TNRC6C: variants seen among roughly 807,000 people sequenced by gnomAD.
TNRC6C encodes trinucleotide repeat containing adaptor 6C, also known as trinucleotide repeat-containing gene 6C protein.
In TNRC6C, 20 loss-of-function variants were observed where a neutral mutation model predicts 153.7. That is an observed-to-expected ratio of 0.13 (90% CI 0.09 to 0.19). The LOEUF (loss-of-function observed/expected upper bound fraction) is 0.19, where lower values mean the gene tolerates loss of function less well. Ranked by LOEUF, TNRC6C falls within the 10% of genes least tolerant of loss-of-function variation. The pLI is 1.00. For synonymous variants in TNRC6C, 811 were observed against 841.4 expected (o/e 0.96, Z 0.63); for missense variants, 1,987 against 2,172.0 (o/e 0.91, Z 1.69).
chr17:78,030,874 G>A (rs754493499), intron 1 of TNRC6C, among the ~76,000 whole-genome samples: 10 of 152,000 alleles, frequency 6.6e-5, no homozygotes, highest in Non-Finnish European at 1.3e-4. Context: ...TGAGGCGAGC[G>A]GATCACTTGA....
exon 3 of TNRC6C, chr17:78,051,448 G>A: frequency 2.9e-6 from 4 of 1,387,638 alleles, no homozygotes; most frequent in East Asian, 2.7e-5. Flanking sequence ...GCTTGGTCCA[G>A]GTAGGAAAGG....
Position 78,064,878 on chromosome 17 carries a change from C to T in TNRC6C, c.2552C>T (p.Pro851Leu), listed in dbSNP as rs1278157245. 9 of 1,612,108 alleles carry T rather than the reference C, an allele frequency of 5.6e-6. No individual in the cohort carries two copies. In the East Asian group the frequency reaches 1.3e-4, roughly 24 times the overall value. The change falls in exon 4 of 20, where the codon CCG becomes CTG. Residue 851 changes from proline (P) to leucine (L), a missense_variant. This residue lies in a region of TNRC6C where 765 missense variants were observed against 908.6 expected (regional missense o/e 0.84). Transcript: ENST00000301624. The stretch of plus-strand genomic sequence containing the variant: ...GGGTGGGGAGATCACCCTGCAGAGC[C>T]GCCGGTGGCATTTGGAAGAGCTGGC...
chr17:78,085,396 G>A (rs2073262126), intron 11 of TNRC6C, among the ~76,000 whole-genome samples: 2 of 152,120 alleles, frequency 1.3e-5, no homozygotes, highest in Admixed American at 1.3e-4. Flanking sequence ...GGCCTATAAG[G>A]ATTCACTTAA....
intron 1 of TNRC6C, among the ~76,000 whole-genome samples, chr17:77,997,871 G>T (rs1269265935): frequency 6.6e-6 from 1 of 151,890 alleles, no homozygotes; most frequent in Non-Finnish European, 1.5e-5. Context: ...AGCCAGGATG[G>T]TCTCGATGTC....
chr17:78,049,426 A>C lies in TNRC6C; in HGVS notation c.364A>C (p.Asn122His), dbSNP rs759133868. 6.2e-7 allele frequency: 1 copy of C among 1,614,020 alleles called. No individual in the cohort carries two copies. Among genetic ancestry groups the C allele is most frequent in the Admixed American group, 1.7e-5 (1 of 60,024 alleles). Residue 122 changes from asparagine (N) to histidine (H), a missense_variant, in exon 3 of 20, where the codon AAC becomes CAC. Asn to His is a moderately conservative substitution (Grantham distance 68). Around this residue, in one of 4 missense-constraint regions of TNRC6C, gnomAD observed 1,052 missense variants for 1,017.0 expected, o/e 1.03. Coordinates refer to ENST00000301624, the Ensembl canonical transcript of TNRC6C. The surrounding 1 kb of genome is among the most constrained non-coding windows in gnomAD (Gnocchi z 4.1). The stretch of plus-strand genomic sequence containing the variant: ...ACATGAAGGAACCGTGGCGACAGGC[A>C]ACCCTTCCAGTATTTGCAGTCCAGT...
intron 8 of TNRC6C, among the ~76,000 whole-genome samples, chr17:78,076,474 C>T (rs2144357234): frequency 6.6e-6 from 1 of 152,220 alleles, no homozygotes; most frequent in African/African-American, 2.4e-5. Context: ...GATAAAATTA[C>T]TGTTATCTGA....
intron 17 of TNRC6C, among the ~76,000 whole-genome samples, chr17:78,100,060 A>G (rs766448727): frequency 2.6e-5 from 4 of 152,214 alleles, no homozygotes; most frequent in Non-Finnish European, 5.9e-5. Context: ...ATGCTTAGGC[A>G]AGAGGTTGGT....
intron 1 of TNRC6C, among the ~76,000 whole-genome samples, chr17:77,964,271 C>CT (rs1191600645): frequency 1.3e-5 from 2 of 152,210 alleles, no homozygotes; most frequent in East Asian, 3.8e-4. Context: ...AATTAATACT[C>CT]TATTGTATCT....
chr17:78,026,082 G>T lies in TNRC6C; in HGVS notation c.-545-5434G>T, dbSNP rs185561991. ...TGAATCCAAGTTTTTGAGGTCTCTA[G>T]CCTTAGTATTTTTTTATTTCATCAA... On this transcript the variant is annotated intron_variant, in intron 1 of 19. Coordinates refer to ENST00000301624, the Ensembl canonical transcript of TNRC6C. Among the ~76,000 whole-genome samples, 138 of 140,152 alleles carry T rather than the reference G, an allele frequency of 9.8e-4. 1 individual carries two copies. Among genetic ancestry groups the T allele is most frequent in the African/African-American group, 4.5e-3 (135 of 30,322 alleles). The allele number at this position is 140,152 out of a possible 152,430, so 91.9% of individuals were successfully genotyped here. A position where few individuals can be genotyped will look rare whatever the true frequency, so the allele number is the denominator to read the frequency against.
intron 2 of TNRC6C, among the ~76,000 whole-genome samples, chr17:78,041,978 C>A (rs775613714): frequency 2.6e-5 from 4 of 152,146 alleles, no homozygotes; most frequent in Non-Finnish European, 4.4e-5. Flanking sequence ...AAATCTGATA[C>A]CTAATTAAAA....
In TNRC6C at chr17:78,075,252, G is replaced by A. The variant is rs752221819; in HGVS notation, c.3034G>A (p.Val1012Met). Residue 1012 changes from valine to methionine, a missense_variant, in exon 8 of 20, where the codon GTG becomes ATG. Physicochemically the swap from Val to Met is conservative, Grantham distance 21. Around this residue, in one of 4 missense-constraint regions of TNRC6C, gnomAD observed 765 missense variants for 908.6 expected, o/e 0.84. Coordinates refer to ENST00000301624, the Ensembl canonical transcript of TNRC6C. The surrounding 1 kb of genome is among the most constrained non-coding windows in gnomAD (Gnocchi z 4.2). ...CCCGCCAATCTCCAAAGAGTCTTCC[G>A]TGGACCGCCCCACCTTTCTTGACAA... 32 of 1,599,986 alleles carry A rather than the reference G, an allele frequency of 2.0e-5. No homozygotes were observed. The highest frequency in any genetic ancestry group is 4.5e-5 in the East Asian group (2 of 44,352).
exon 20 of TNRC6C, chr17:78,106,038 G>A (rs925227340): frequency 1.3e-5 from 2 of 148,184 alleles, no homozygotes; most frequent in African/African-American, 2.5e-5. Flanking sequence ...TTTCCATTTG[G>A]AATATAAAGT....
Position 78,049,163 on chromosome 17 carries a change from A to T in TNRC6C, c.101A>T (p.Gln34Leu). The T allele has an allele frequency of 6.2e-7, 1 of 1,612,678 alleles. No individual in the cohort carries two copies. The highest frequency in any genetic ancestry group is 8.5e-7 in the Non-Finnish European group (1 of 1,179,278). The change falls in exon 3 of 20, where the codon CAG becomes CTG. Residue 34 changes from glutamine (Q) to leucine (L), a missense_variant. Gln to Leu is a moderately radical substitution (Grantham distance 113). This residue lies in a region of TNRC6C where 1,052 missense variants were observed against 1,017.0 expected (regional missense o/e 1.03). Transcript: ENST00000301624. The surrounding 1 kb of genome is among the most constrained non-coding windows in gnomAD (Gnocchi z 4.1). ...GCACTCGTCCAAAGCCCTTCTAATC[A>T]GAGTGCCCTTGGAGCAGGGGGAGCG... is the stretch of plus-strand genomic sequence containing the variant.
At chr17:77,964,583 A>G (rs906621603) in intron 1 of TNRC6C, among the ~76,000 whole-genome samples, 1 of 152,230 alleles carries the variant, frequency 6.6e-6, no homozygotes, top group African/African-American at 2.4e-5. Context: ...TTTATTCCCA[A>G]AGATCATTTC....
In TNRC6C at chr17:78,075,104, T is replaced by A; in HGVS notation, c.2918-32T>A. The A allele has an allele frequency of 6.2e-7, 1 of 1,609,452 alleles. No homozygotes were observed. Among genetic ancestry groups the A allele is most frequent in the Non-Finnish European group, 8.5e-7 (1 of 1,177,732 alleles). ...TGTGCTCAGCACTCACTTGTTTTGT[T>A]TACAACATTGCTTCTGTTTGTTGTG... is the stretch of plus-strand genomic sequence containing the variant. On this transcript the variant is annotated intron_variant, in intron 7 of 19. Coordinates refer to ENST00000301624, the Ensembl canonical transcript of TNRC6C. This position sits in a 1 kb window ranked among gnomAD's most constrained non-coding sequence, Gnocchi z 4.2.
Position 78,075,445 on chromosome 17 carries a change from A to G in TNRC6C, c.3060+167A>G, listed in dbSNP as rs192273593. 12 of 777,000 alleles carry G rather than the reference A, an allele frequency of 1.5e-5. No individual in the cohort carries two copies. The highest frequency in any genetic ancestry group is 8.8e-5 in the African/African-American group (5 of 57,130). 48.1% of individuals were successfully genotyped at this position (777,000 alleles called of 1,614,324 possible). A position where few individuals can be genotyped will look rare whatever the true frequency, so the allele number is the denominator to read the frequency against. On this transcript the variant is annotated intron_variant, in intron 8 of 19. Transcript: ENST00000301624. The surrounding 1 kb of genome is among the most constrained non-coding windows in gnomAD (Gnocchi z 4.2). ...ATGAACATTTAACTCAAAGAAGGGA[A>G]TGTCGTATTTCATAAGATGTTACTG...
At chr17:78,102,676 C>T in intron 18 of TNRC6C, 132 bp downstream of exon 21, 1 of 865,356 alleles carries the variant, frequency 1.2e-6, no homozygotes, top group Non-Finnish European at 1.7e-6. Context: ...AGTGACGCTG[C>T]ATGGGAGGAG....
Position 78,075,132 on chromosome 17 carries a change from C to T in TNRC6C, c.2918-4C>T, listed in dbSNP as rs751192453. ...CAACATTGCTTCTGTTTGTTGTGCT[C>T]CAGGCGCTCTGCTGGAAAAGAAGGT... On this transcript the variant is annotated splice_region_variant and splice_polypyrimidine_tract_variant and intron_variant, in intron 7 of 19. Coordinates refer to ENST00000301624, the Ensembl canonical transcript of TNRC6C. This position sits in a 1 kb window ranked among gnomAD's most constrained non-coding sequence, Gnocchi z 4.2. 7 of 1,613,138 alleles carry T rather than the reference C, an allele frequency of 4.3e-6. No homozygotes were observed. The highest frequency in any genetic ancestry group is 2.2e-5 in the East Asian group (1 of 44,870).
intron 17 of TNRC6C, 82 bp downstream of exon 20, chr17:78,098,619 G>A (rs1478915874): frequency 3.5e-6 from 5 of 1,447,978 alleles, no homozygotes; most frequent in Non-Finnish European, 4.6e-6. Flanking sequence ...TACCTCCTTT[G>A]TAAGGACCCC....
Sources: gnomAD v4.1 joint callset for allele counts (sites outside exome capture counted in the v4.1 genomes callset) on GRCh38, gnomAD v4.1.1 for gene constraint, gnomAD v4.1.1 regional missense constraint, Gnocchi (gnomAD v3.1) non-coding constraint, MANE v1.5 for transcripts, NCBI Gene and HGNC (gene_info 2026-07-23, HGNC 2026-07-21) for gene names.